The following TMPRSS15 variants were observed in gnomAD, a reference collection of about 807,000 sequenced individuals.
The protein encoded by TMPRSS15 is transmembrane serine protease 15.
In TMPRSS15, 128 loss-of-function variants were observed where a neutral mutation model predicts 125.3. The observed-to-expected ratio is 1.02, with a 90% CI of 0.89 to 1.18. The LOEUF is 1.18. TMPRSS15 is among the 50% of genes most tolerant of loss of function. TMPRSS15 has a pLI of 0.00. For synonymous variants in TMPRSS15, 446 were observed against 423.2 expected (o/e 1.05, Z -0.66); for missense variants, 1,283 against 1,212.7 (o/e 1.06, Z -0.86).
intron 13 of TMPRSS15, among the ~76,000 whole-genome samples, chr21:18,336,625 C>A (rs912244530): frequency 9.9e-5 from 15 of 152,128 alleles, no homozygotes; most frequent in Non-Finnish European, 2.1e-4. Context: ...AAAATCCAGA[C>A]AATGAGAGCT....
At chr21:18,308,759 A>G (rs1253411876) in intron 18 of TMPRSS15, among the ~76,000 whole-genome samples, 2 of 152,120 alleles carry the variant, frequency 1.3e-5, no homozygotes, top group Admixed American at 6.5e-5. Flanking sequence ...ACCCACTGAC[A>G]GGCCCTGGTG....
At chr21:18,456,252 T>C (rs1978438179) in intron 1 of TMPRSS15, among the ~76,000 whole-genome samples, 1 of 152,144 alleles carries the variant, frequency 6.6e-6, no homozygotes, top group African/African-American at 2.4e-5. Flanking sequence ...GGAGATTCCT[T>C]AGAACTTCAG....
intron 13 of TMPRSS15, among the ~76,000 whole-genome samples, chr21:18,336,913 G>A (rs1019529601): frequency 2.0e-5 from 3 of 152,156 alleles, no homozygotes; most frequent in African/African-American, 4.8e-5. Context: ...TAAGCAAGCA[G>A]TTCTGCTGAA....
At position 18,269,583 on chromosome 21, in the gene TMPRSS15, A is replaced by G. The variant is rs1347907545; in HGVS notation, c.*386T>C. 1.2e-5 allele frequency: 2 copies of G among 163,602 alleles called. No individual in the cohort carries two copies. Among genetic ancestry groups the G allele is most frequent in the Admixed American group, 6.2e-5 (1 of 16,150 alleles). The allele number at this position is 163,602 out of a possible 1,614,324, so 10.1% of individuals were successfully genotyped here. On this transcript the variant is annotated 3_prime_UTR_variant, in exon 25 of 25. Transcript: ENST00000284885. ...ATTTCCAACAGTGACATACTTTGGGAAAAACAATTTATTTTCTTTCTTTTT... is the reference window on the plus strand; with the variant it reads ...ATTTCCAACAGTGACATACTTTGGGGAAAACAATTTATTTTCTTTCTTTTT...
intron 18 of TMPRSS15, among the ~76,000 whole-genome samples, chr21:18,301,804 A>AT (rs1396099235): frequency 6.6e-6 from 1 of 152,172 alleles, no homozygotes; most frequent in East Asian, 1.9e-4. Context: ...TTTTATTGCC[A>AT]TTTTTATAGG....
At position 18,372,220 on chromosome 21, in the gene TMPRSS15, C is replaced by T; in HGVS notation, c.637G>A (p.Gly213Ser). Reference sequence around the variant, plus strand: ...CACATTTTATTGTCTTCGTCAGAACCATCTGGACAGTTTACTTCTCCATCA... The same window carrying T: ...CACATTTTATTGTCTTCGTCAGAACTATCTGGACAGTTTACTTCTCCATCA... ...FCDGEVNCPD[G>S]SDEDNKMCAT... The change falls in exon 6 of 25, where the codon GGT becomes AGT. Residue 213 changes from glycine (G) to serine (S), a missense_variant. Coordinates refer to ENST00000284885, the MANE Select transcript of TMPRSS15 (RefSeq NM_002772.3). 1.9e-6 allele frequency: 3 copies of T among 1,607,156 alleles called. No individual in the cohort carries two copies. Among genetic ancestry groups the T allele is most frequent in the Non-Finnish European group, 1.7e-6 (2 of 1,175,956 alleles).
chr21:18,355,316 C>T (rs547323849), intron 8 of TMPRSS15, among the ~76,000 whole-genome samples: 28 of 151,680 alleles, frequency 1.8e-4, no homozygotes, highest in Non-Finnish European at 3.5e-4. Flanking sequence ...TTCAACCACA[C>T]CCTTAGTGTG....
chr21:18,464,846 T>C (rs1978625724), intron 1 of TMPRSS15, among the ~76,000 whole-genome samples: 1 of 152,158 alleles, frequency 6.6e-6, no homozygotes, highest in Non-Finnish European at 1.5e-5. Flanking sequence ...GAGGAGCTGG[T>C]ACCATTCCTT....
upstream of TMPRSS15, among the ~76,000 whole-genome samples, chr21:18,407,723 T>C (rs545207503): frequency 4.6e-5 from 7 of 152,232 alleles, no homozygotes; most frequent in Middle Eastern, 0.01. Context: ...GTTACAAAAA[T>C]GTCCCCATTA....
chr21:18,388,816 A>G (rs1275657838), intron 3 of TMPRSS15, among the ~76,000 whole-genome samples: 2 of 152,152 alleles, frequency 1.3e-5, no homozygotes, highest in Admixed American at 1.3e-4. Context: ...ATAAAGACTA[A>G]GTACGCATTT....
chr21:18,304,135 T>TG (rs2075004636), intron 18 of TMPRSS15, among the ~76,000 whole-genome samples: 1 of 152,116 alleles, frequency 6.6e-6, no homozygotes, highest in Admixed American at 6.5e-5. Context: ...CCAGGGTTCG[T>TG]GGGGGTCTGG....
intron 18 of TMPRSS15, among the ~76,000 whole-genome samples, chr21:18,298,566 T>C (rs1327904862): frequency 6.6e-6 from 1 of 152,196 alleles, no homozygotes; most frequent in Non-Finnish European, 1.5e-5. Flanking sequence ...TAATTGAAGA[T>C]TTCTCTTAAT....
At chr21:18,366,520 A>G (rs913984452) in intron 6 of TMPRSS15, among the ~76,000 whole-genome samples, 72 of 152,206 alleles carry the variant, frequency 4.7e-4, no homozygotes, top group African/African-American at 1.4e-3. Flanking sequence ...GATTCCAACT[A>G]GATTAAAATC....
intron 18 of TMPRSS15, among the ~76,000 whole-genome samples, chr21:18,303,572 T>G (rs1483193832): frequency 6.6e-6 from 1 of 152,196 alleles, no homozygotes. Context: ...GGGCTGAGGT[T>G]TTCTGTCCTT....
At chr21:18,453,031 A>G (rs1978371764) in intron 1 of TMPRSS15, among the ~76,000 whole-genome samples, 1 of 152,234 alleles carries the variant, frequency 6.6e-6, no homozygotes, top group African/African-American at 2.4e-5. Context: ...GTTATACAGC[A>G]TATTTCTAGA....
At chr21:18,444,501 G>T (rs1373573805) in intron 1 of TMPRSS15, among the ~76,000 whole-genome samples, 1 of 152,044 alleles carries the variant, frequency 6.6e-6, no homozygotes, top group Non-Finnish European at 1.5e-5. Context: ...GGGTGCTGGG[G>T]GAGGGATAGC....
chr21:18,285,162 G>A (rs2074747781), intron 21 of TMPRSS15, among the ~76,000 whole-genome samples: 1 of 152,174 alleles, frequency 6.6e-6, no homozygotes, highest in African/African-American at 2.4e-5. Context: ...TAACCCCAAA[G>A]ATGCTTCTTT....
intron 1 of TMPRSS15, among the ~76,000 whole-genome samples, chr21:18,409,141 A>AT (rs909167526): frequency 1.3e-5 from 2 of 151,630 alleles, no homozygotes; most frequent in African/African-American, 4.8e-5. Context: ...AATTCTGAAG[A>AT]TTTTTTTAAT....
chr21:18,468,022 C>T (rs1323373262), intron 1 of TMPRSS15, among the ~76,000 whole-genome samples: 3 of 151,902 alleles, frequency 2.0e-5, no homozygotes, highest in Non-Finnish European at 4.4e-5. Flanking sequence ...GAAAGTTCCA[C>T]AAAAAGTTGA....
Sources: allele counts gnomAD v4.1 joint callset (sites outside exome capture counted in the v4.1 genomes callset), GRCh38; gene constraint gnomAD v4.1.1; transcripts MANE v1.5; gene names NCBI Gene and HGNC (gene_info 2026-07-23, HGNC 2026-07-21).